The following HNF4G variants were observed in gnomAD, a reference collection of about 807,000 sequenced individuals.
The protein encoded by HNF4G is hepatocyte nuclear factor 4 gamma.
A neutral mutation model predicts 50.9 loss-of-function variants in HNF4G; 21 were observed. The ratio of observed to expected loss-of-function variants is 0.41; its 90% CI spans 0.29 to 0.59. The LOEUF is 0.59. Ranked by LOEUF, HNF4G falls within the 20% of genes least tolerant of loss-of-function variation. HNF4G has a pLI of 0.26. For synonymous variants in HNF4G, 198 were observed against 185.6 expected (o/e 1.07, Z -0.54); for missense variants, 527 against 559.4 (o/e 0.94, Z 0.58).
At chr8:75,457,369 A>G (rs1165492120) in intron 1 of HNF4G, among the ~76,000 whole-genome samples, 1 of 152,174 alleles carries the variant, frequency 6.6e-6, no homozygotes, top group Non-Finnish European at 1.5e-5. Context: ...GTGGCTTTAT[A>G]TGATCCTTAA....
intron 1 of HNF4G, among the ~76,000 whole-genome samples, chr8:75,415,917 A>G (rs1047549988): frequency 5.9e-5 from 9 of 152,320 alleles, no homozygotes; most frequent in African/African-American, 1.9e-4. Flanking sequence ...GGCAGGTGGT[A>G]CAATAGGTTC....
intron 1 of HNF4G, among the ~76,000 whole-genome samples, chr8:75,461,349 C>T (rs2130606465): frequency 6.6e-6 from 1 of 152,260 alleles, no homozygotes; most frequent in African/African-American, 2.4e-5. Context: ...CATCTTCCTT[C>T]TTCAAAGCCC....
chr8:75,436,601 C>T (rs1811147416), intron 1 of HNF4G, among the ~76,000 whole-genome samples: 1 of 152,128 alleles, frequency 6.6e-6, no homozygotes, highest in Non-Finnish European at 1.5e-5. Flanking sequence ...TGGATCCCAC[C>T]TCACGCTTTA....
At chr8:75,499,067 T>C (rs970224679) in intron 2 of HNF4G, among the ~76,000 whole-genome samples, 2 of 151,992 alleles carry the variant, frequency 1.3e-5, no homozygotes, top group Admixed American at 6.6e-5. Flanking sequence ...GGTGTCCAGA[T>C]TGGAAATGAA....
At chr8:75,496,926 T>A (rs970523285) in intron 2 of HNF4G, among the ~76,000 whole-genome samples, 3 of 152,120 alleles carry the variant, frequency 2.0e-5, no homozygotes, top group African/African-American at 7.2e-5. Flanking sequence ...AGCAGCAGTG[T>A]CTACTAGATT....
chr8:75,480,721 CT>C (rs1336807468), intron 1 of HNF4G, among the ~76,000 whole-genome samples: 46 of 122,426 alleles, frequency 3.8e-4, no homozygotes, highest in Admixed American at 1.1e-3. Context: ...CTTTTTCTTT[CT>C]TTTTTTTTTT....
At chr8:75,422,334 T>C (rs1810793974) in intron 1 of HNF4G, among the ~76,000 whole-genome samples, 1 of 152,176 alleles carries the variant, frequency 6.6e-6, no homozygotes. Context: ...TTAAATTAGC[T>C]TTTAGGCTCA....
rs140140287 is a variant in HNF4G at position 75,518,742 on chromosome 8, CTTT to C, written c.-23-25061_-23-25059del. Among the ~76,000 whole-genome samples, 28 of 149,662 alleles carry C rather than the reference CTTT, an allele frequency of 1.9e-4. No individual in the cohort carries two copies. The South Asian group carries it at 5.9e-3, about 32-fold the overall frequency. On this transcript the variant is annotated intron_variant, in intron 2 of 10. Coordinates refer to the HNF4G transcript ENST00000354370. The stretch of plus-strand genomic sequence containing the variant: ...AGGCCCTGGACCTGGCCCATGAAAT[CTTT>C]TTTTTTTCCTCCTAGACCTCCTGGC...
intron 1 of HNF4G, among the ~76,000 whole-genome samples, chr8:75,479,215 G>A (rs188114976): frequency 8.4e-4 from 128 of 152,228 alleles, no homozygotes; most frequent in African/African-American, 2.9e-3. Flanking sequence ...CATCAATAGA[G>A]GCAAAGGATT....
In HNF4G at chr8:75,500,012, A is replaced by G. The variant is rs536547564; in HGVS notation, c.-24+9804A>G. ...TCACACTAAAAGCACAAACTACAAA[A>G]GAAAAAATAAATTAGACTTCACCAA... On this transcript the variant is annotated intron_variant, in intron 2 of 10. Coordinates refer to the HNF4G transcript ENST00000354370. Among the ~76,000 whole-genome samples, 9 of 152,290 alleles carry G rather than the reference A, an allele frequency of 5.9e-5. No individual in the cohort carries two copies. In the South Asian group the frequency reaches 1.9e-3, roughly 32 times the overall value.
chr8:75,452,843 C>A (rs1048416098), intron 1 of HNF4G, among the ~76,000 whole-genome samples: 1 of 152,154 alleles, frequency 6.6e-6, no homozygotes, highest in Non-Finnish European at 1.5e-5. Context: ...AAAATATGAA[C>A]ACTTTTATGA....
At chr8:75,546,008 G>A (rs920612853) in intron 2 of HNF4G, among the ~76,000 whole-genome samples, 1 of 152,032 alleles carries the variant, frequency 6.6e-6, no homozygotes, top group Non-Finnish European at 1.5e-5. Context: ...AGCTCAATTT[G>A]TTGATGATAG....
intron 1 of HNF4G, among the ~76,000 whole-genome samples, chr8:75,489,683 G>T (rs1812577133): frequency 6.6e-6 from 1 of 152,164 alleles, no homozygotes; most frequent in Admixed American, 6.5e-5. Flanking sequence ...CATACACACA[G>T]GTGCAAACTA....
intron 2 of HNF4G, among the ~76,000 whole-genome samples, chr8:75,526,105 AATTTATTT>A (rs34542534): frequency 0.018 from 2,630 of 143,784 alleles, 25 homozygotes; most frequent in African/African-American, 0.025. Context: ...TACTTGCTCA[AATTTATTT>A]ATTTATTTAT....
At chr8:75,442,072 A>T (rs1272680845) in intron 1 of HNF4G, among the ~76,000 whole-genome samples, 2 of 152,232 alleles carry the variant, frequency 1.3e-5, no homozygotes, top group Non-Finnish European at 2.9e-5. Flanking sequence ...GTATTACAGT[A>T]ATATTTTATT....
At chr8:75,407,738 G>C (rs184209849), upstream of HNF4G, among the ~76,000 whole-genome samples, 41 of 152,182 alleles carry the variant, frequency 2.7e-4, no homozygotes, top group East Asian at 9.7e-4. Flanking sequence ...TCGGGAAAAA[G>C]AAACAAACAA....
intron 1 of HNF4G, among the ~76,000 whole-genome samples, chr8:75,438,813 T>C (rs1188147944): frequency 1.3e-5 from 2 of 152,176 alleles, no homozygotes; most frequent in Non-Finnish European, 2.9e-5. Context: ...TTCAGTGGGA[T>C]TCTTTTTCAT....
Position 75,564,116 on chromosome 8 carries a change from CG to C in HNF4G, c.*22del. ...TTGTGAAAATGTGTTTACTTCAGAA[CG>C]GCACTACATAAATGTGAAAAGTTGT... On this transcript the variant is annotated 3_prime_UTR_variant, in exon 10 of 10. Transcript: ENST00000396423. The C allele has an allele frequency of 6.2e-7, 1 of 1,611,820 alleles. No homozygotes were observed. Among genetic ancestry groups the C allele is most frequent in the South Asian group, 1.1e-5 (1 of 90,918 alleles).
intron 1 of HNF4G, among the ~76,000 whole-genome samples, chr8:75,437,174 C>T (rs891317728): frequency 1.3e-5 from 2 of 152,148 alleles, no homozygotes; most frequent in East Asian, 3.8e-4. Context: ...TATAAAAAGT[C>T]AGAGTCAGTC....
Sources: gnomAD v4.1 joint callset for allele counts (sites outside exome capture counted in the v4.1 genomes callset) on GRCh38, gnomAD v4.1.1 for gene constraint, MANE v1.5 for transcripts, NCBI Gene and HGNC (gene_info 2026-07-23, HGNC 2026-07-21) for gene names.